GRIK2: variants seen among roughly 807,000 people sequenced by gnomAD.
GRIK2 encodes the protein glutamate receptor ionotropic, kainate 2.
GRIK2 carries 32 observed loss-of-function variants against 100.3 expected under a neutral mutation model. The observed-to-expected ratio is 0.32, with a 90% CI of 0.24 to 0.43. The LOEUF (loss-of-function observed/expected upper bound fraction) is 0.43. Ranked by LOEUF, GRIK2 falls within the 20% of genes least tolerant of loss-of-function variation. The probability of loss-of-function intolerance (pLI) is 1.00; values close to 1 mark genes in which losing one functional copy is unlikely to be tolerated. For synonymous variants in GRIK2, 417 were observed against 389.4 expected (o/e 1.07, Z -0.83); for missense variants, 843 against 1,114.9 (o/e 0.76, Z 3.47).
chr6:101,799,597 A>T (rs1428519953), intron 7 of GRIK2, 51 bp from the exon 8 acceptor site: 1 of 1,470,318 alleles, frequency 6.8e-7, no homozygotes, highest in African/African-American at 1.4e-5. Flanking sequence ...CATCTACCAC[A>T]AGTTCTACAA....
At chr6:101,909,427 G>T (rs1788503209) in intron 12 of GRIK2, among the ~76,000 whole-genome samples, 1 of 123,734 alleles carries the variant, frequency 8.1e-6, no homozygotes, top group Non-Finnish European at 1.6e-5. Flanking sequence ...GGAAAAAAGT[G>T]TCTACTGCTA....
At chr6:101,550,228 A>C (rs908265512) in intron 2 of GRIK2, among the ~76,000 whole-genome samples, 1 of 152,196 alleles carries the variant, frequency 6.6e-6, no homozygotes, top group African/African-American at 2.4e-5. Context: ...GCAGCTGTGT[A>C]TTCTCACTTT....
chr6:102,015,228 C>T (rs1045508845), intron 14 of GRIK2, among the ~76,000 whole-genome samples: 4 of 151,122 alleles, frequency 2.6e-5, no homozygotes, highest in East Asian at 1.9e-4. Context: ...GTTGATTTAA[C>T]GTCTGTTTTG....
chr6:101,625,918 G>A (rs1375788195), intron 3 of GRIK2, among the ~76,000 whole-genome samples: 4 of 152,094 alleles, frequency 2.6e-5, no homozygotes, highest in Non-Finnish European at 4.4e-5. Flanking sequence ...TCATCAGATA[G>A]GTGGAAATGT....
intron 2 of GRIK2, among the ~76,000 whole-genome samples, chr6:101,548,529 T>G (rs1776358919): frequency 1.3e-5 from 2 of 152,342 alleles, no homozygotes; most frequent in African/African-American, 4.8e-5. Flanking sequence ...AGTTTCAGCT[T>G]TCTACATATG....
intron 4 of GRIK2, among the ~76,000 whole-genome samples, chr6:101,636,611 A>G (rs572982858): frequency 6.6e-6 from 1 of 152,284 alleles, no homozygotes; most frequent in African/African-American, 2.4e-5. Context: ...AATATATGCC[A>G]ACACGGAAAG....
At chr6:102,012,185 T>G (rs1415705952) in intron 14 of GRIK2, among the ~76,000 whole-genome samples, 1 of 152,208 alleles carries the variant, frequency 6.6e-6, no homozygotes, top group African/African-American at 2.4e-5. Flanking sequence ...GGTCTATTTA[T>G]TTTGTTCTAT....
intron 14 of GRIK2, among the ~76,000 whole-genome samples, chr6:101,945,678 T>C (rs1270543019): frequency 6.6e-6 from 1 of 152,164 alleles, no homozygotes; most frequent in Non-Finnish European, 1.5e-5. Flanking sequence ...TTTCAATCAC[T>C]TTCCTAAGAG....
chr6:102,050,496 A>T (rs1771114012), intron 15 of GRIK2, among the ~76,000 whole-genome samples: 1 of 152,056 alleles, frequency 6.6e-6, no homozygotes, highest in South Asian at 2.1e-4. Context: ...CACTAAAAAT[A>T]CAAAAATTAG....
chr6:102,022,952 GGAAAATCATCCTGTCTCAGTGTAGT>G (rs1389708044), intron 14 of GRIK2, among the ~76,000 whole-genome samples: 4 of 151,494 alleles, frequency 2.6e-5, no homozygotes, highest in Admixed American at 1.3e-4. Flanking sequence ...TTGAGATTTA[GGAAAATCATCCTGTCTCAGTGTAGT>G]GAACAGATTG....
chr6:101,958,471 A>G (rs1792086319), intron 14 of GRIK2, among the ~76,000 whole-genome samples: 1 of 152,026 alleles, frequency 6.6e-6, no homozygotes, highest in Admixed American at 6.6e-5. Flanking sequence ...TCATCAGTTA[A>G]CATATATCAT....
In GRIK2 at chr6:101,620,374, T is replaced by TA. The variant is rs200371083; in HGVS notation, c.116-1573dup. On this transcript the variant is annotated intron_variant, in intron 2 of 16. Coordinates refer to ENST00000369134, the MANE Select transcript of GRIK2 (RefSeq NM_021956.5). ...CCATTTCACAAGTTGATTGTTTTAG[T>TA]AAGTACACCCTTAAATTGGTTAAAA... is the stretch of plus-strand genomic sequence containing the variant. 1,229 of 154,526 alleles carry TA rather than the reference T, an allele frequency of 8.0e-3. 17 individuals are homozygous for TA. Among genetic ancestry groups the TA allele is most frequent in the South Asian group, 0.054 (261 of 4,878 alleles). 9.6% of individuals were successfully genotyped at this position (154,526 alleles called of 1,614,324 possible). A position where few individuals can be genotyped will look rare whatever the true frequency, so the allele number is the denominator to read the frequency against.
intron 2 of GRIK2, among the ~76,000 whole-genome samples, chr6:101,520,867 T>G (rs1271932782): frequency 6.6e-6 from 1 of 152,128 alleles, no homozygotes; most frequent in Non-Finnish European, 1.5e-5. Context: ...GTCAATTTTA[T>G]GTATGATTGT....
intron 11 of GRIK2, among the ~76,000 whole-genome samples, chr6:101,870,485 A>G (rs1479713151): frequency 6.6e-6 from 1 of 151,794 alleles, no homozygotes; most frequent in Non-Finnish European, 1.5e-5. Flanking sequence ...GTAGGTGTCA[A>G]TGTCTTGTTT....
chr6:101,541,376 C>CACACACACACACACACA (rs775232963), intron 2 of GRIK2, among the ~76,000 whole-genome samples: 15 of 5,588 alleles, frequency 2.7e-3, no homozygotes, highest in Admixed American at 0.017. Context: ...GCGCACACAA[C>CACACACACACACACACA]CACACACACA....
chr6:102,056,836 G>A (rs1400387009), intron 16 of GRIK2, among the ~76,000 whole-genome samples: 3 of 151,864 alleles, frequency 2.0e-5, no homozygotes, highest in Non-Finnish European at 4.4e-5. Context: ...ACTGAGGAAT[G>A]TTATCATAAA....
chr6:101,445,112 T>C (rs985100980), intron 2 of GRIK2, among the ~76,000 whole-genome samples: 1 of 152,114 alleles, frequency 6.6e-6, no homozygotes, highest in Admixed American at 6.6e-5. Context: ...CTCAGAATAC[T>C]CCTTGATCTG....
intron 4 of GRIK2, among the ~76,000 whole-genome samples, chr6:101,645,630 C>A (rs571708250): frequency 6.6e-6 from 1 of 151,980 alleles, no homozygotes; most frequent in South Asian, 2.1e-4. Context: ...CTCCCTTAAG[C>A]AAGTGTATGC....
intron 14 of GRIK2, chr6:101,993,338 AAAGG>A (rs1794473519): frequency 1.3e-5 from 2 of 151,520 alleles, no homozygotes; most frequent in African/African-American, 4.8e-5. Flanking sequence ...CTCAAAGTAA[AAAGG>A]AAGATATATT....
Sources: allele counts gnomAD v4.1 joint callset (sites outside exome capture counted in the v4.1 genomes callset), GRCh38; gene constraint gnomAD v4.1.1; transcripts MANE v1.5; gene names NCBI Gene and HGNC (gene_info 2026-07-23, HGNC 2026-07-21).